FAM185A: variants seen among roughly 807,000 people sequenced by gnomAD.
FAM185A encodes protein FAM185A.
In FAM185A, 21 loss-of-function variants were observed where a neutral mutation model predicts 45.7. The observed-to-expected ratio is 0.46, with a 90% CI of 0.33 to 0.66. FAM185A has a LOEUF of 0.66. Among genes scored for constraint, FAM185A ranks in the 30% least tolerant of loss-of-function variants. The probability of loss-of-function intolerance (pLI) is 0.03; values close to 1 mark genes in which losing one functional copy is unlikely to be tolerated. For synonymous variants in FAM185A, 117 were observed against 194.0 expected (o/e 0.60, Z 3.30); for missense variants, 305 against 485.4 (o/e 0.63, Z 3.49).
chr7:102,843,120 T>C, the FAM185A span, among the ~76,000 whole-genome samples: 10 of 152,166 alleles, frequency 6.6e-5, no homozygotes, highest in Non-Finnish European at 1.2e-4. Flanking sequence ...TAAAAGGTTA[T>C]GAAGATTAAG....
intron 4 of FAM185A, among the ~76,000 whole-genome samples, chr7:102,768,195 ACTTCCCT>A (rs1794527141): frequency 8.6e-6 from 1 of 115,974 alleles, no homozygotes. Context: ...GACGTGCCCA[ACTTCCCT>A]CTTCCCTCTT....
chr7:102,839,862 G>T, the FAM185A span, among the ~76,000 whole-genome samples: 1 of 151,828 alleles, frequency 6.6e-6, no homozygotes, highest in South Asian at 2.1e-4. Flanking sequence ...AAAATAGAAT[G>T]TATGAGATAA....
At chr7:102,797,259 G>A (rs532919734) in intron 7 of FAM185A, among the ~76,000 whole-genome samples, 62 of 152,254 alleles carry the variant, frequency 4.1e-4, no homozygotes, top group African/African-American at 1.4e-3. Flanking sequence ...TCAGGAGATA[G>A]AGACCATACT....
intron 7 of FAM185A, among the ~76,000 whole-genome samples, chr7:102,800,398 C>A (rs1475929194): frequency 6.6e-6 from 1 of 152,152 alleles, no homozygotes; most frequent in Non-Finnish European, 1.5e-5. Flanking sequence ...AAGAAGAAAT[C>A]CCTGATTTAC....
intron 6 of FAM185A, among the ~76,000 whole-genome samples, chr7:102,782,717 C>A (rs1279882614): frequency 6.6e-6 from 1 of 152,062 alleles, no homozygotes; most frequent in Non-Finnish European, 1.5e-5. Flanking sequence ...TGAAGACCAT[C>A]GAGGCTAGGA....
the FAM185A span, among the ~76,000 whole-genome samples, chr7:102,837,839 A>G: frequency 2.0e-5 from 3 of 152,248 alleles, no homozygotes; most frequent in Non-Finnish European, 4.4e-5. Context: ...CACTACGCCC[A>G]GGCAACTTTC....
At chr7:102,759,509 A>G (rs960713106) in intron 3 of FAM185A, among the ~76,000 whole-genome samples, 6 of 152,096 alleles carry the variant, frequency 3.9e-5, no homozygotes, top group African/African-American at 1.4e-4. Flanking sequence ...AACATAAAAT[A>G]AATACTTGTG....
At chr7:102,786,453 G>C (rs978405739) in intron 6 of FAM185A, among the ~76,000 whole-genome samples, 1 of 152,168 alleles carries the variant, frequency 6.6e-6, no homozygotes, top group African/African-American at 2.4e-5. Context: ...TGACAGACTG[G>C]ATTAAGAAAT....
chr7:102,836,724 T>C, the FAM185A span, among the ~76,000 whole-genome samples: 1 of 152,226 alleles, frequency 6.6e-6, no homozygotes, highest in Non-Finnish European at 1.5e-5. Context: ...AGTCACAGTG[T>C]AGGCACTTAA....
In FAM185A at chr7:102,749,960, G is replaced by A. The variant is rs552613505; in HGVS notation, c.451+302G>A. Among the ~76,000 whole-genome samples, 11 of 152,266 alleles carry A rather than the reference G, an allele frequency of 7.2e-5. No individual in the cohort carries two copies. The East Asian group carries it at 2.1e-3, about 29-fold the overall frequency. On this transcript the variant is annotated intron_variant, in intron 1 of 7. Transcript: ENST00000413034. ...TTTATCCCGTTGTCATTAGCAAACTGGCTTATTTTTCAAGGTTGAAGTTTC... is the reference window on the plus strand; with the variant it reads ...TTTATCCCGTTGTCATTAGCAAACTAGCTTATTTTTCAAGGTTGAAGTTTC...
chr7:102,761,255 T>C lies in FAM185A; in HGVS notation c.655-18T>C, dbSNP rs936749682. The C allele has an allele frequency of 3.9e-6, 6 of 1,522,834 alleles. No individual in the cohort carries two copies. The highest frequency in any genetic ancestry group is 1.3e-5 in the South Asian group (1 of 78,090). The allele number at this position is 1,522,834 out of a possible 1,614,324, so 94.3% of individuals were successfully genotyped here. Reference sequence around the variant, plus strand: ...AGTCTTTGTTTTATAATGAACTGATTAGTCTTTCTCTTACTAGGCTGTGAC... The same window carrying C: ...AGTCTTTGTTTTATAATGAACTGATCAGTCTTTCTCTTACTAGGCTGTGAC... On this transcript the variant is annotated intron_variant, in intron 3 of 7. Coordinates refer to ENST00000413034, the MANE Select transcript of FAM185A (RefSeq NM_001145268.2).
chr7:102,792,186 AT>A (rs1048569917), intron 7 of FAM185A, among the ~76,000 whole-genome samples: 1 of 150,662 alleles, frequency 6.6e-6, no homozygotes, highest in African/African-American at 2.5e-5. Context: ...CTATAATTTT[AT>A]TTGATTTCCT....
chr7:102,783,826 C>T (rs920367771), intron 6 of FAM185A, among the ~76,000 whole-genome samples: 5 of 152,134 alleles, frequency 3.3e-5, no homozygotes, highest in African/African-American at 1.2e-4. Context: ...CAAGAAATAA[C>T]TAAGATCAGA....
chr7:102,760,134 C>CA, intron 3 of FAM185A, among the ~76,000 whole-genome samples: 1 of 152,206 alleles, frequency 6.6e-6, no homozygotes, highest in East Asian at 1.9e-4. Context: ...ACATAGTTGT[C>CA]AGTTTTCCTC....
At chr7:102,812,221 C>G (rs1797474087), downstream of FAM185A, among the ~76,000 whole-genome samples, 1 of 152,244 alleles carries the variant, frequency 6.6e-6, no homozygotes, top group Admixed American at 6.5e-5. Context: ...TAAAAACCCA[C>G]AGATGTGCTC....
At chr7:102,776,116 A>ACACATATACACACACAC (rs1198677194) in intron 5 of FAM185A, among the ~76,000 whole-genome samples, 1 of 126,582 alleles carries the variant, frequency 7.9e-6, no homozygotes, top group African/African-American at 3.7e-5. Flanking sequence ...ACACACACAC[A>ACACATATACACACACAC]AATGTTTTCT....
intron 4 of FAM185A, among the ~76,000 whole-genome samples, chr7:102,766,775 G>GT (rs201821087): frequency 0.015 from 2,197 of 148,482 alleles, 46 homozygotes; most frequent in Admixed American, 0.049. Flanking sequence ...ATACAACTTT[G>GT]TTTTTTTTGT....
chr7:102,814,914 G>A, the FAM185A span, among the ~76,000 whole-genome samples: 1 of 152,052 alleles, frequency 6.6e-6, no homozygotes, highest in African/African-American at 2.4e-5. Context: ...AAAGTAGTGG[G>A]TTTATATCTT....
chr7:102,809,773 T>C (rs1361097068), downstream of FAM185A, among the ~76,000 whole-genome samples: 6 of 152,188 alleles, frequency 3.9e-5, no homozygotes, highest in Non-Finnish European at 5.9e-5. Context: ...GACCTATCTC[T>C]TGGTGATGTA....
Sources: allele counts gnomAD v4.1 joint callset (sites outside exome capture counted in the v4.1 genomes callset), GRCh38; gene constraint gnomAD v4.1.1; transcripts MANE v1.5; gene names NCBI Gene and HGNC (gene_info 2026-07-23, HGNC 2026-07-21).